Variants in SLC25A48 observed in about 807,000 individuals in gnomAD.
SLC25A48 encodes the protein CTC-321K16.1.
Under a neutral mutation model 32.2 loss-of-function variants are expected in SLC25A48, and 29 were observed. The observed-to-expected ratio is 0.90, with a 90% CI of 0.67 to 1.23. The LOEUF (loss-of-function observed/expected upper bound fraction) is 1.23, where lower values mean the gene tolerates loss of function less well. Among genes scored for constraint, SLC25A48 ranks in the 50% most tolerant of loss-of-function variants. The pLI, the probability that SLC25A48 is intolerant of heterozygous loss-of-function variation, is 0.00. For synonymous variants in SLC25A48, 164 were observed against 172.3 expected (o/e 0.95, Z 0.38); for missense variants, 399 against 422.7 (o/e 0.94, Z 0.49).
At position 135,629,934 on chromosome 5, in the gene SLC25A48, G is replaced by A. The variant is rs1396436826; in HGVS notation, c.-709+558G>A. Among the ~76,000 whole-genome samples, 1 of 152,180 alleles carries A rather than the reference G, an allele frequency of 6.6e-6. No individual in the cohort carries two copies. The highest frequency in any genetic ancestry group is 1.5e-5 in the Non-Finnish European group (1 of 68,032). On this transcript the variant is annotated intron_variant, in intron 2 of 10. Coordinates refer to the SLC25A48 transcript ENST00000646290. This position sits in a 1 kb window ranked among gnomAD's most constrained non-coding sequence, Gnocchi z 4.8. ...GAGAATGAGGAGGAGAAACGGGCAA[G>A]GCACCAGCAGTGACTGCCACAGGTA...
chr5:135,818,063 CTCTCTCT>C, intron 4 of SLC25A48, among the ~76,000 whole-genome samples: 1 of 12,916 alleles, frequency 7.7e-5, no homozygotes, highest in South Asian at 3.6e-3. Context: ...TCCTCTCTCT[CTCTCTCT>C]CTCTCTCTCT....
chr5:135,645,039 C>G (rs961854358), intron 3 of SLC25A48, among the ~76,000 whole-genome samples: 1 of 152,180 alleles, frequency 6.6e-6, no homozygotes, highest in Admixed American at 6.5e-5. Flanking sequence ...TCTAAAACAG[C>G]CAAAGGCTCC....
At chr5:135,600,961 A>G (rs1052990145) in intron 1 of SLC25A48, 1 of 151,672 alleles carries the variant, frequency 6.6e-6, no homozygotes, top group Non-Finnish European at 1.5e-5. Context: ...AAGTGCTGGG[A>G]TTACAGGTGT....
At chr5:135,750,648 C>T (rs1755748032) in intron 3 of SLC25A48, among the ~76,000 whole-genome samples, 1 of 152,064 alleles carries the variant, frequency 6.6e-6, no homozygotes, top group Non-Finnish European at 1.5e-5. Context: ...ATAGAGATGC[C>T]CACAGCACCC....
intron 7 of SLC25A48, chr5:135,883,175 C>G: frequency 1.0e-6 from 1 of 985,536 alleles, no homozygotes; most frequent in Non-Finnish European, 1.2e-6. Flanking sequence ...AGGCTGTCCT[C>G]AGAACCTCTT....
intron 4 of SLC25A48, among the ~76,000 whole-genome samples, chr5:135,863,123 A>T (rs77142727): frequency 6.6e-6 from 1 of 152,200 alleles, no homozygotes; most frequent in Admixed American, 6.5e-5. Context: ...GCAGCAGGCC[A>T]AGCATTAGGC....
At chr5:135,615,363 T>C (rs1752161921) in intron 1 of SLC25A48, among the ~76,000 whole-genome samples, 1 of 152,196 alleles carries the variant, frequency 6.6e-6, no homozygotes, top group African/African-American at 2.4e-5. Flanking sequence ...AGGAACTTAA[T>C]GGGAACTGGA....
At chr5:135,683,456 C>G (rs1753945721) in intron 3 of SLC25A48, among the ~76,000 whole-genome samples, 1 of 152,226 alleles carries the variant, frequency 6.6e-6, no homozygotes, top group Non-Finnish European at 1.5e-5. Flanking sequence ...CCTGATCCCT[C>G]TTGGCATGTT....
intron 3 of SLC25A48, among the ~76,000 whole-genome samples, chr5:135,800,290 G>A (rs150615652): frequency 4.0e-5 from 6 of 151,842 alleles, no homozygotes; most frequent in Admixed American, 3.3e-4. Flanking sequence ...TATAGCAAAG[G>A]GTGTACAGCC....
At chr5:135,655,707 G>A (rs141363026) in intron 3 of SLC25A48, among the ~76,000 whole-genome samples, 3 of 152,306 alleles carry the variant, frequency 2.0e-5, no homozygotes, top group South Asian at 2.1e-4. Flanking sequence ...TTTTCCACAG[G>A]ACTTGGTTTC....
intron 1 of SLC25A48, among the ~76,000 whole-genome samples, chr5:135,619,142 C>T (rs1752262491): frequency 6.6e-6 from 1 of 152,012 alleles, no homozygotes. Flanking sequence ...AATATTTGGT[C>T]ACTTTATGAT....
At chr5:135,588,004 A>G (rs1451820996) in intron 1 of SLC25A48, among the ~76,000 whole-genome samples, 1 of 152,212 alleles carries the variant, frequency 6.6e-6, no homozygotes, top group Non-Finnish European at 1.5e-5. Context: ...GTGTAAGGCT[A>G]GATGTCCTGC....
chr5:135,820,652 G>T (rs1757860371), intron 4 of SLC25A48, among the ~76,000 whole-genome samples: 1 of 152,156 alleles, frequency 6.6e-6, no homozygotes, highest in African/African-American at 2.4e-5. Context: ...GGACAAGTTT[G>T]CAATAGCTAA....
intron 4 of SLC25A48, among the ~76,000 whole-genome samples, chr5:135,865,235 T>A (rs1322360184): frequency 6.6e-6 from 1 of 152,190 alleles, no homozygotes; most frequent in East Asian, 1.9e-4. Flanking sequence ...GGGCTCTTTC[T>A]ATGAAAGCAT....
At chr5:135,866,368 G>C (rs894765171) in intron 4 of SLC25A48, among the ~76,000 whole-genome samples, 1 of 152,198 alleles carries the variant, frequency 6.6e-6, no homozygotes, top group African/African-American at 2.4e-5. Context: ...ACATTGAATA[G>C]CATTGACTGA....
intron 3 of SLC25A48, among the ~76,000 whole-genome samples, chr5:135,805,856 G>T (rs889308815): frequency 4.0e-5 from 6 of 151,204 alleles, no homozygotes; most frequent in South Asian, 2.1e-4. Context: ...ATCCCTGTGG[G>T]TGTATACCCT....
intron 1 of SLC25A48, among the ~76,000 whole-genome samples, chr5:135,620,304 A>T (rs977445233): frequency 4.1e-4 from 62 of 152,046 alleles, no homozygotes; most frequent in African/African-American, 1.4e-3. Context: ...CCTGGATGGT[A>T]TGCTTGGGTG....
intron 3 of SLC25A48, among the ~76,000 whole-genome samples, chr5:135,773,239 C>T (rs756159331): frequency 6.6e-5 from 10 of 151,124 alleles, no homozygotes; most frequent in Non-Finnish European, 1.0e-4. Flanking sequence ...TATGATATTA[C>T]GCCCAATATC....
intron 3 of SLC25A48, among the ~76,000 whole-genome samples, chr5:135,851,039 G>A (rs541628125): frequency 1.3e-5 from 2 of 152,286 alleles, no homozygotes; most frequent in African/African-American, 4.8e-5. Flanking sequence ...AACTTTCTGA[G>A]GCCCCTCTTT....
Sources: gnomAD v4.1 joint callset for allele counts (sites outside exome capture counted in the v4.1 genomes callset) on GRCh38, gnomAD v4.1.1 for gene constraint, Gnocchi (gnomAD v3.1) non-coding constraint, MANE v1.5 for transcripts, NCBI Gene and HGNC (gene_info 2026-07-23, HGNC 2026-07-21) for gene names.